DIS3L: variants seen among roughly 807,000 people sequenced by gnomAD.
The protein encoded by DIS3L is DIS3-like exonuclease 1.
Under a neutral mutation model 120.3 loss-of-function variants are expected in DIS3L, and 100 were observed. The ratio of observed to expected loss-of-function variants is 0.83; its 90% confidence interval spans 0.71 to 0.98. The LOEUF (loss-of-function observed/expected upper bound fraction) is 0.98. Ranked by LOEUF, DIS3L falls within the 50% of genes least tolerant of loss-of-function variation. DIS3L has a pLI of 0.00. For missense variants in DIS3L, 1,196 were observed against 1,314.2 expected, an observed-to-expected ratio of 0.91 and a Z score of 1.39; for synonymous variants, 426 against 470.6, an observed-to-expected ratio of 0.91 and a Z score of 1.23.
chr15:66,331,124 C>T (rs985257884), intron 14 of DIS3L, among the ~76,000 whole-genome samples: 5 of 152,080 alleles, frequency 3.3e-5, no homozygotes, highest in Non-Finnish European at 7.4e-5. Context: ...CATTGCACTC[C>T]AGCCTAGGCG....
At chr15:66,305,753 A>G (rs1287655141) in intron 2 of DIS3L, among the ~76,000 whole-genome samples, 1 of 151,694 alleles carries the variant, frequency 6.6e-6, no homozygotes, top group Non-Finnish European at 1.5e-5. Context: ...CTGGTCTGCA[A>G]CTCCTGGGCT....
chr15:66,296,709 A>T (rs1216570557), intron 2 of DIS3L, among the ~76,000 whole-genome samples: 1 of 151,936 alleles, frequency 6.6e-6, no homozygotes, highest in Non-Finnish European at 1.5e-5. Flanking sequence ...TTTTTAGTAG[A>T]GATGGGGTTT....
At chr15:66,312,997 T>A (rs2092777575) in intron 5 of DIS3L, among the ~76,000 whole-genome samples, 1 of 151,964 alleles carries the variant, frequency 6.6e-6, no homozygotes, top group Non-Finnish European at 1.5e-5. Flanking sequence ...TAATTTATTT[T>A]TTTATTTTTA....
In DIS3L at chr15:66,312,640, GTCAGGGTCTTGGGAAGGAA is replaced by G. The variant is rs2092773887; in HGVS notation, c.735+745_735+763del. On this transcript the variant is annotated intron_variant, in intron 5 of 16. Transcript: ENST00000319212. The stretch of plus-strand genomic sequence containing the variant: ...CCCAGGACCCTAGAACTCAGATGCT[GTCAGGGTCTTGGGAAGGAA>G]TCAGATACAATTTTTATTCAGATTT... Among the ~76,000 whole-genome samples, 2 of 152,184 alleles carry G rather than the reference GTCAGGGTCTTGGGAAGGAA, an allele frequency of 1.3e-5. 1 individual carries two copies. Among genetic ancestry groups the G allele is most frequent in the South Asian group, 4.1e-4 (2 of 4,834 alleles).
In DIS3L at chr15:66,313,791, A is replaced by G. The variant is rs112826410; in HGVS notation, c.736-248A>G. On this transcript the variant is annotated intron_variant, in intron 5 of 16. Coordinates refer to ENST00000319212, the MANE Select transcript of DIS3L (RefSeq NM_001143688.3). ...TGTGTATATATATATGTGTGTGTGT[A>G]TATATATATGTGTGTGTGTGTACAT... 6.0e-3 allele frequency among the ~76,000 whole-genome samples: 807 copies of G among 135,466 alleles called. 7 individuals carry two copies. Among genetic ancestry groups the G allele is most frequent in the African/African-American group, 0.019 (761 of 39,824 alleles). 88.9% of individuals were successfully genotyped at this position (135,466 alleles called of 152,430 possible).
intron 15 of DIS3L, 32 bp from the exon 16 acceptor site, chr15:66,332,704 G>A (rs144955843): frequency 6.4e-7 from 1 of 1,563,530 alleles, no homozygotes. Context: ...AGAATACATT[G>A]TCTCTGGATT....
chr15:66,332,591 A>AAGGTGAAATAAATACGTGG, intron 15 of DIS3L, 145 bp from the exon 16 acceptor site: 1 of 775,780 alleles, frequency 1.3e-6, no homozygotes, highest in Non-Finnish European at 2.0e-6. Flanking sequence ...TCCATCTGCT[A>AAGGTGAAATAAATACGTGG]AGGTGAAATA....
intron 2 of DIS3L, among the ~76,000 whole-genome samples, chr15:66,299,677 A>G (rs2092626467): frequency 6.6e-6 from 1 of 152,202 alleles, no homozygotes; most frequent in Non-Finnish European, 1.5e-5. Context: ...AGATGTTTCC[A>G]AGGAGTATTT....
Position 66,333,277 on chromosome 15 carries a change from G to C in DIS3L, c.3130G>C (p.Ala1044Pro), listed in dbSNP as rs760306170. The C allele has an allele frequency of 2.8e-5, 45 of 1,610,296 alleles. No homozygotes were observed. The highest frequency in any genetic ancestry group is 5.1e-5 in the Admixed American group (3 of 59,068). The stretch of plus-strand genomic sequence containing the variant: ...ACTTCTAGAGGAGATACGGGACCTA[G>C]CTCTCCTGGATGTTTCAAACAATTA... Reference protein sequence around the residue: ...YTLLEEIRDLALLDVSNNYGI With the variant: ...YTLLEEIRDLPLLDVSNNYGI The change falls in exon 17 of 17, where the codon GCT becomes CCT. Residue 1044 changes from alanine (A) to proline (P), a missense_variant. Transcript: ENST00000319212.
At chr15:66,328,062 G>T (rs895133557) in intron 12 of DIS3L, among the ~76,000 whole-genome samples, 2 of 152,208 alleles carry the variant, frequency 1.3e-5, no homozygotes, top group Admixed American at 1.3e-4. Flanking sequence ...TGCATGCCAG[G>T]CACATGGGAC....
intron 12 of DIS3L, among the ~76,000 whole-genome samples, chr15:66,328,667 A>G (rs1008369381): frequency 6.6e-6 from 1 of 152,262 alleles, no homozygotes; most frequent in African/African-American, 2.4e-5. Context: ...GGATGTAAAG[A>G]ATTCAATTCA....
intron 5 of DIS3L, among the ~76,000 whole-genome samples, chr15:66,312,876 C>G (rs961600380): frequency 1.3e-5 from 2 of 152,064 alleles, no homozygotes; most frequent in African/African-American, 4.8e-5. Flanking sequence ...AAAGCCACTC[C>G]CTAAAAGTGT....
chr15:66,308,873 T>A lies in DIS3L; in HGVS notation c.558+29T>A, dbSNP rs746768844. Reference sequence around the variant, plus strand: ...TTTCCAGATATTGTATATGTATGAGTGCTCATTTTCTAAGTAGTACCCATA... The same window carrying A: ...TTTCCAGATATTGTATATGTATGAGAGCTCATTTTCTAAGTAGTACCCATA... On this transcript the variant is annotated intron_variant, in intron 4 of 16. Coordinates refer to ENST00000319212, the MANE Select transcript of DIS3L (RefSeq NM_001143688.3). 2.0e-4 allele frequency: 315 copies of A among 1,595,800 alleles called. 7 individuals carry two copies. The South Asian group carries it at 3.5e-3, about 18-fold the overall frequency.
At chr15:66,311,050 T>TAAA (rs34815047) in intron 4 of DIS3L, among the ~76,000 whole-genome samples, 1 of 88,560 alleles carries the variant, frequency 1.1e-5, no homozygotes, top group African/African-American at 4.6e-5. Context: ...CCCTGTCCCT[T>TAAA]AAAAAAAAAA....
intron 3 of DIS3L, among the ~76,000 whole-genome samples, chr15:66,308,308 T>C (rs533000852): frequency 1.3e-5 from 2 of 152,348 alleles, no homozygotes; most frequent in East Asian, 3.9e-4. Flanking sequence ...GATTATGATC[T>C]TCAGCTACTT....
chr15:66,329,588 T>A (rs911094217), intron 14 of DIS3L, 189 bp downstream of exon 14: 2 of 1,307,516 alleles, frequency 1.5e-6, no homozygotes, highest in African/African-American at 3.0e-5. Context: ...GACGGTAGAT[T>A]ATCAGATTTT....
At chr15:66,302,005 A>G (rs1048359273) in intron 2 of DIS3L, among the ~76,000 whole-genome samples, 3 of 152,230 alleles carry the variant, frequency 2.0e-5, no homozygotes, top group Admixed American at 1.3e-4. Flanking sequence ...AAGGATTGTC[A>G]TTACTCTAAT....
chr15:66,302,615 C>A (rs1421090689), intron 2 of DIS3L, among the ~76,000 whole-genome samples: 1 of 152,136 alleles, frequency 6.6e-6, no homozygotes. Flanking sequence ...TCTGCTGTCT[C>A]GCACATTCCG....
intron 8 of DIS3L, 99 bp downstream of exon 8, chr15:66,318,717 C>G: frequency 1.6e-6 from 2 of 1,264,044 alleles, no homozygotes; most frequent in South Asian, 3.1e-5. Flanking sequence ...AATTCCTTTG[C>G]ATATAAAGAA....
Sources: allele counts gnomAD v4.1 joint callset (sites outside exome capture counted in the v4.1 genomes callset), GRCh38; gene constraint gnomAD v4.1.1; transcripts MANE v1.5; gene names NCBI Gene and HGNC (gene_info 2026-07-23, HGNC 2026-07-21).